Variants in PXK observed in about 807,000 individuals in gnomAD.
PXK encodes the protein PX domain-containing protein kinase-like protein.
A neutral mutation model predicts 84.7 loss-of-function variants in PXK; 35 were observed. The ratio of observed to expected loss-of-function variants is 0.41; its 90% CI spans 0.32 to 0.55. The LOEUF is 0.55. Ranked by LOEUF, PXK falls within the 20% of genes least tolerant of loss-of-function variation. PXK has a pLI of 0.21. For synonymous variants in PXK, 253 were observed against 260.8 expected (o/e 0.97, Z 0.29); for missense variants, 634 against 699.7 (o/e 0.91, Z 1.06).
At chr3:58,373,558 C>T (rs1284882730) in intron 3 of PXK, among the ~76,000 whole-genome samples, 2 of 152,178 alleles carry the variant, frequency 1.3e-5, no homozygotes, top group African/African-American at 4.8e-5. Context: ...AATTGAGGGT[C>T]TGTTGAAAGC....
chr3:58,404,287 A>G (rs2059052892), intron 13 of PXK, among the ~76,000 whole-genome samples: 1 of 152,176 alleles, frequency 6.6e-6, no homozygotes, highest in Non-Finnish European at 1.5e-5. Flanking sequence ...AACCAGAATG[A>G]TATCTTACTT....
At chr3:58,343,937 C>T (rs143332113) in intron 1 of PXK, among the ~76,000 whole-genome samples, 1 of 152,316 alleles carries the variant, frequency 6.6e-6, no homozygotes, top group East Asian at 1.9e-4. Context: ...TAGAGTATAT[C>T]TGCCTCAAAG....
At position 58,416,884 on chromosome 3, in the gene PXK, A is replaced by G. The variant is rs1165735267; in HGVS notation, c.1528+3921A>G. Among the ~76,000 whole-genome samples the G allele has an allele frequency of 1.3e-5, 2 of 152,106 alleles. No individual in the cohort carries two copies. The highest frequency in any genetic ancestry group is 2.9e-5 in the Non-Finnish European group (2 of 68,020). On this transcript the variant is annotated intron_variant, in intron 17 of 17. Transcript: ENST00000356151. This position sits in a 1 kb window ranked among gnomAD's most constrained non-coding sequence, Gnocchi z 4.8. ...AGTGATCCACCCGCCTCGGCCCCCA[A>G]AGTGCTGGGATTACAGGCTTGAGCC... is the stretch of plus-strand genomic sequence containing the variant.
At chr3:58,374,034 A>T (rs1576221960) in intron 3 of PXK, among the ~76,000 whole-genome samples, 1 of 131,292 alleles carries the variant, frequency 7.6e-6, no homozygotes, top group East Asian at 2.1e-4. Flanking sequence ...ACAGAGCGAG[A>T]CTCCGTCTCA....
Position 58,420,316 on chromosome 3 carries a change from G to T in PXK, c.1529-4436G>T, listed in dbSNP as rs140418534. 2.9e-3 allele frequency among the ~76,000 whole-genome samples: 448 copies of T among 152,310 alleles called. 1 individual carries two copies. Among genetic ancestry groups the T allele is most frequent in the African/African-American group, 0.01 (435 of 41,570 alleles). On this transcript the variant is annotated intron_variant, in intron 17 of 17. Coordinates refer to ENST00000356151, the MANE Select transcript of PXK (RefSeq NM_017771.5). Reference sequence around the variant, plus strand: ...AGGTGGCTCAAAAAGCGACTCATTGGTTATTCTATAAATACGTTTGCCATG... The same window carrying T: ...AGGTGGCTCAAAAAGCGACTCATTGTTTATTCTATAAATACGTTTGCCATG...
rs1376554207 is a variant in PXK at position 58,383,375 on chromosome 3, A to G, written c.388+675A>G. Reference sequence around the variant, plus strand: ...ACTTTTGACCTCTAATCAACACCTTATACATACAATAATCTTAATCTGATT... The same window carrying G: ...ACTTTTGACCTCTAATCAACACCTTGTACATACAATAATCTTAATCTGATT... On this transcript the variant is annotated intron_variant, in intron 4 of 17. Transcript: ENST00000356151. This position sits in a 1 kb window ranked among gnomAD's most constrained non-coding sequence, Gnocchi z 4.0. 1.3e-5 allele frequency among the ~76,000 whole-genome samples: 2 copies of G among 152,198 alleles called. No individual in the cohort carries two copies. Among genetic ancestry groups the G allele is most frequent in the Admixed American group, 6.5e-5 (1 of 15,282 alleles).
chr3:58,410,319 A>G (rs1461815399), intron 16 of PXK, among the ~76,000 whole-genome samples, 160 bp downstream of exon 16: 1 of 152,208 alleles, frequency 6.6e-6, no homozygotes, highest in East Asian at 1.9e-4. Context: ...AGATTGCAAC[A>G]GTATTCGTAG....
chr3:58,401,930 G>A lies in PXK; in HGVS notation c.1182-1932G>A, dbSNP rs1286902879. Among the ~76,000 whole-genome samples, 2 of 152,092 alleles carry A rather than the reference G, an allele frequency of 1.3e-5. No individual in the cohort carries two copies. Among genetic ancestry groups the A allele is most frequent in the South Asian group, 2.1e-4 (1 of 4,814 alleles). ...ATAAAAAATAAAACAAACTGGGGGC[G>A]CAGGATATTCAGCCAGGCATACTGG... On this transcript the variant is annotated intron_variant, in intron 12 of 17. Transcript: ENST00000356151. The surrounding 1 kb of genome is among the most constrained non-coding windows in gnomAD (Gnocchi z 4.4).
intron 2 of PXK, among the ~76,000 whole-genome samples, chr3:58,368,844 A>G (rs2098320965): frequency 1.3e-5 from 2 of 152,246 alleles, no homozygotes; most frequent in East Asian, 1.9e-4. Context: ...GAATTTGACT[A>G]TAGCCTAATC....
At chr3:58,406,742 A>G (rs2059473868) in intron 13 of PXK, among the ~76,000 whole-genome samples, 1 of 152,068 alleles carries the variant, frequency 6.6e-6, no homozygotes, top group Non-Finnish European at 1.5e-5. Flanking sequence ...CTCCCTCCCC[A>G]CAGCTCCGGG....
At position 58,425,160 on chromosome 3, in the gene PXK, T is replaced by G. The variant is rs1357898265; in HGVS notation, c.*200T>G. 3 of 785,770 alleles carry G rather than the reference T, an allele frequency of 3.8e-6. No individual in the cohort carries two copies. The highest frequency in any genetic ancestry group is 5.9e-6 in the Non-Finnish European group (3 of 510,928). 48.7% of individuals were successfully genotyped at this position (785,770 alleles called of 1,614,324 possible). A position where few individuals can be genotyped will look rare whatever the true frequency, so the allele number is the denominator to read the frequency against. The stretch of plus-strand genomic sequence containing the variant: ...TAAAGTTAGGCTGGCATTGCTCCCT[T>G]AAGATCTTGCTCCTTTATTAACCCT... On this transcript the variant is annotated 3_prime_UTR_variant, in exon 18 of 18. Coordinates refer to ENST00000356151, the MANE Select transcript of PXK (RefSeq NM_017771.5).
chr3:58,366,170 G>T (rs549996579), intron 2 of PXK, among the ~76,000 whole-genome samples: 1 of 152,090 alleles, frequency 6.6e-6, no homozygotes, highest in African/African-American at 2.4e-5. Flanking sequence ...TTGTTCCCCA[G>T]CTCAACCCAG....
intron 1 of PXK, among the ~76,000 whole-genome samples, chr3:58,352,616 G>T (rs1462961017): frequency 6.6e-6 from 1 of 152,148 alleles, no homozygotes; most frequent in Non-Finnish European, 1.5e-5. Flanking sequence ...GAATTACTGG[G>T]TTTCCATTTT....
At chr3:58,413,037 C>T (rs2060443564) in intron 17 of PXK, 74 bp downstream of exon 17, 1 of 1,499,656 alleles carries the variant, frequency 6.7e-7, no homozygotes, top group Non-Finnish European at 9.3e-7. Flanking sequence ...CTCTTCCTGC[C>T]TTGGCCCAAC....
At chr3:58,394,646 A>G (rs994387932) in intron 7 of PXK, among the ~76,000 whole-genome samples, 1 of 152,176 alleles carries the variant, frequency 6.6e-6, no homozygotes, top group African/African-American at 2.4e-5. Context: ...ACAGGATATT[A>G]ACACTATTAT....
intron 4 of PXK, among the ~76,000 whole-genome samples, chr3:58,388,612 A>G (rs1236458880): frequency 6.6e-6 from 1 of 152,208 alleles, no homozygotes; most frequent in East Asian, 1.9e-4. Flanking sequence ...ATGGTTTGTC[A>G]CACTCTGGGG....
At chr3:58,350,927 A>G (rs1223543133) in intron 1 of PXK, among the ~76,000 whole-genome samples, 3 of 152,178 alleles carry the variant, frequency 2.0e-5, no homozygotes, top group African/African-American at 4.8e-5. Context: ...GGTGACCATT[A>G]TTAAAACCAG....
chr3:58,413,947 G>C (rs1467829554), intron 17 of PXK: 2 of 152,414 alleles, frequency 1.3e-5, no homozygotes, highest in East Asian at 3.9e-4. Context: ...AAGGGGACTA[G>C]TGTGAATGAC....
At chr3:58,402,721 G>A (rs375807992) in intron 12 of PXK, among the ~76,000 whole-genome samples, 10 of 149,684 alleles carry the variant, frequency 6.7e-5, no homozygotes, top group African/African-American at 2.5e-4. Context: ...GTGAGCCACT[G>A]CACCCGGCCC....
Sources: gnomAD v4.1 joint callset for allele counts (sites outside exome capture counted in the v4.1 genomes callset) on GRCh38, gnomAD v4.1.1 for gene constraint, Gnocchi (gnomAD v3.1) non-coding constraint, MANE v1.5 for transcripts, NCBI Gene and HGNC (gene_info 2026-07-23, HGNC 2026-07-21) for gene names.